TCF12: variants seen among roughly 807,000 people sequenced by gnomAD.
TCF12 encodes the protein transcription factor 12.
TCF12 carries 45 observed loss-of-function variants against 86.0 expected under a neutral mutation model. The ratio of observed to expected loss-of-function variants is 0.52; its 90% CI spans 0.41 to 0.67. The LOEUF (loss-of-function observed/expected upper bound fraction) is 0.67, where lower values mean the gene tolerates loss of function less well. Ranked by LOEUF, TCF12 falls within the 30% of genes least tolerant of loss-of-function variation. TCF12 has a pLI of 0.00. For synonymous variants in TCF12, 330 were observed against 299.6 expected (o/e 1.10, Z -1.05); for missense variants, 881 against 859.9 (o/e 1.02, Z -0.31).
intron 3 of TCF12, among the ~76,000 whole-genome samples, chr15:57,034,278 T>C (rs2066373175): frequency 6.6e-6 from 1 of 152,118 alleles, no homozygotes; most frequent in Non-Finnish European, 1.5e-5. Flanking sequence ...AATCTTTAGG[T>C]TCTTGCTTTT....
At chr15:56,923,676 A>G (rs1314206056) in intron 3 of TCF12, among the ~76,000 whole-genome samples, 6 of 152,260 alleles carry the variant, frequency 3.9e-5, no homozygotes, top group South Asian at 2.1e-4. Flanking sequence ...CATGTCCTCA[A>G]CTTCGGGGTT....
intron 5 of TCF12, among the ~76,000 whole-genome samples, chr15:57,106,563 T>C (rs1257720915): frequency 6.6e-6 from 1 of 152,214 alleles, no homozygotes; most frequent in Non-Finnish European, 1.5e-5. Flanking sequence ...GCATACGCTT[T>C]TGTATTTTGT....
rs539084641 is a variant in TCF12, at chr15:56,938,612, A to G, written c.148+17514A>G. On this transcript the variant is annotated intron_variant, in intron 3 of 20. Coordinates refer to ENST00000333725, the MANE Select transcript of TCF12 (RefSeq NM_207037.2). ...AATTCTTCTTTGAACGTCTGTTAGA[A>G]TTCTGCTGTGAATCTGTCTGGTCCG... Among the ~76,000 whole-genome samples the G allele has an allele frequency of 4.1e-5, 6 of 146,838 alleles. No homozygotes were observed. The East Asian group carries it at 1.2e-3, about 30-fold the overall frequency.
At chr15:57,218,674 A>T (rs2058438073) in intron 8 of TCF12, among the ~76,000 whole-genome samples, 2 of 152,206 alleles carry the variant, frequency 1.3e-5, no homozygotes, top group South Asian at 4.1e-4. Context: ...GAACAGTCCT[A>T]TTGCAGGACA....
intron 3 of TCF12, among the ~76,000 whole-genome samples, chr15:57,052,431 A>T (rs561934554): frequency 1.3e-5 from 2 of 152,172 alleles, no homozygotes; most frequent in Admixed American, 1.3e-4. Flanking sequence ...TGAGGTCAGG[A>T]GTTAAAGACA....
intron 18 of TCF12, among the ~76,000 whole-genome samples, chr15:57,264,181 A>T (rs1434268178): frequency 3.1e-5 from 2 of 65,364 alleles, no homozygotes; most frequent in African/African-American, 5.9e-5. Context: ...ATTTTCTTTA[A>T]GTTCTTTTGT....
chr15:56,951,404 T>C (rs1385713751), intron 3 of TCF12, among the ~76,000 whole-genome samples: 1 of 152,242 alleles, frequency 6.6e-6, no homozygotes, highest in Admixed American at 6.5e-5. Context: ...GTTTGTTTTT[T>C]ATTATTGAGT....
Position 56,939,723 on chromosome 15 carries a change from C to G in TCF12, c.148+18625C>G, listed in dbSNP as rs535697100. On this transcript the variant is annotated intron_variant, in intron 3 of 20. Transcript: ENST00000333725. ...CATTCCCCAAATTGCATTTTCTTTC[C>G]TAGCACAAGCTGCATGGTGAGGCTT... 2.6e-5 allele frequency among the ~76,000 whole-genome samples: 4 copies of G among 152,212 alleles called. No homozygotes were observed. The East Asian group carries it at 7.7e-4, about 29-fold the overall frequency.
intron 3 of TCF12, among the ~76,000 whole-genome samples, chr15:57,014,652 A>G (rs532367113): frequency 2.0e-5 from 3 of 152,244 alleles, no homozygotes; most frequent in Non-Finnish European, 4.4e-5. Context: ...CCAGCCTGCT[A>G]GGTACACCCT....
intron 6 of TCF12, among the ~76,000 whole-genome samples, chr15:57,174,169 A>G (rs1038532384): frequency 4.6e-5 from 7 of 152,230 alleles, no homozygotes; most frequent in Admixed American, 3.9e-4. Flanking sequence ...AAGAGTGAAC[A>G]TTTCTCAGCT....
chr15:57,103,318 T>C (rs2049889432), intron 5 of TCF12, among the ~76,000 whole-genome samples: 1 of 152,216 alleles, frequency 6.6e-6, no homozygotes, highest in African/African-American at 2.4e-5. Context: ...GATTAATGGT[T>C]AGTATTTGAA....
In TCF12 at chr15:57,266,086, A is replaced by G. The variant is rs7173623; in HGVS notation, c.1745+2812A>G. Among the ~76,000 whole-genome samples, 409 of 110,262 alleles carry G rather than the reference A, an allele frequency of 3.7e-3. 2 individuals carry two copies. The highest frequency in any genetic ancestry group is 9.5e-3 in the South Asian group (29 of 3,054). The allele number at this position is 110,262 out of a possible 152,430, so 72.3% of individuals were successfully genotyped here. On this transcript the variant is annotated intron_variant, in intron 18 of 20. Transcript: ENST00000333725. ...ACTGCCTATTTTTGTTTTTGTTTTT[A>G]TTATTTATTTATTTATTTATTTATT... is the stretch of plus-strand genomic sequence containing the variant.
At chr15:57,217,636 C>T (rs1321019038) in intron 8 of TCF12, among the ~76,000 whole-genome samples, 5 of 152,100 alleles carry the variant, frequency 3.3e-5, no homozygotes, top group South Asian at 4.2e-4. Flanking sequence ...TGTGGCTCCC[C>T]TCTTCTCCCT....
chr15:57,149,008 G>A (rs1352072082), intron 5 of TCF12, among the ~76,000 whole-genome samples: 5 of 152,210 alleles, frequency 3.3e-5, no homozygotes, highest in African/African-American at 4.8e-5. Flanking sequence ...CAAATCCCTC[G>A]GAGAAAGAAC....
At chr15:57,264,179 T>G (rs1377396316) in intron 18 of TCF12, among the ~76,000 whole-genome samples, 1 of 149,434 alleles carries the variant, frequency 6.7e-6, no homozygotes, top group Non-Finnish European at 1.5e-5. Context: ...ATATTTTCTT[T>G]AAGTTCTTTT....
At chr15:57,130,490 C>T (rs1322252582) in intron 5 of TCF12, among the ~76,000 whole-genome samples, 4 of 152,232 alleles carry the variant, frequency 2.6e-5, no homozygotes, top group African/African-American at 9.6e-5. Context: ...ACTCTTTTGG[C>T]AGGATTTGCA....
rs568627623 is a variant in TCF12 at position 56,994,990 on chromosome 15, G to A, written c.149-68760G>A. On this transcript the variant is annotated intron_variant, in intron 3 of 20. Coordinates refer to ENST00000333725, the MANE Select transcript of TCF12 (RefSeq NM_207037.2). ...AGGAAAAGTTATAACATTATCTGAT[G>A]TGATTTTCAGTGGCTGTGGCATCAA... Among the ~76,000 whole-genome samples, 7 of 152,154 alleles carry A rather than the reference G, an allele frequency of 4.6e-5. No individual in the cohort carries two copies. The South Asian group carries it at 8.3e-4, about 18-fold the overall frequency.
chr15:57,102,952 T>C (rs2049860297), intron 5 of TCF12, among the ~76,000 whole-genome samples: 1 of 152,146 alleles, frequency 6.6e-6, no homozygotes, highest in Non-Finnish European at 1.5e-5. Flanking sequence ...AACTGCTATA[T>C]TGGGAGAGGA....
At chr15:57,003,396 A>T (rs1328485347) in intron 3 of TCF12, among the ~76,000 whole-genome samples, 9 of 152,208 alleles carry the variant, frequency 5.9e-5, no homozygotes, top group African/African-American at 1.9e-4. Flanking sequence ...GCTCACAATC[A>T]ACAAAACAAT....
Sources: allele counts gnomAD v4.1 joint callset (sites outside exome capture counted in the v4.1 genomes callset), GRCh38; gene constraint gnomAD v4.1.1; transcripts MANE v1.5; gene names NCBI Gene and HGNC (gene_info 2026-07-23, HGNC 2026-07-21).